Variants in SLC4A5 observed in about 807,000 individuals in gnomAD.
SLC4A5 encodes solute carrier family 4 member 5.
In SLC4A5, 96 loss-of-function variants were observed where a neutral mutation model predicts 120.4. That is an observed-to-expected ratio of 0.80 (90% CI 0.68 to 0.94). The LOEUF (loss-of-function observed/expected upper bound fraction) is 0.94. SLC4A5 is among the 40% of genes least tolerant of loss of function. SLC4A5 has a pLI of 0.00. For synonymous variants in SLC4A5, 550 were observed against 571.1 expected, an observed-to-expected ratio of 0.96 and a Z score of 0.53; for missense variants, 1,259 against 1,459.5, an observed-to-expected ratio of 0.86 and a Z score of 2.24.
At chr2:74,239,390 T>A in exon 21 of SLC4A5, 1 of 1,614,114 alleles carries the variant, frequency 6.2e-7, no homozygotes, top group Non-Finnish European at 8.5e-7. Context: ...GGTCATGGAG[T>A]ATGTCCCAAA....
chr2:74,299,103 C>T (rs1373584537), intron 7 of SLC4A5, among the ~76,000 whole-genome samples: 1 of 151,894 alleles, frequency 6.6e-6, no homozygotes, highest in Admixed American at 6.5e-5. Context: ...GTAATCCCAG[C>T]ACTTTGGGAG....
intron 8 of SLC4A5, among the ~76,000 whole-genome samples, chr2:74,277,536 G>C (rs756871203): frequency 2.0e-5 from 3 of 152,156 alleles, no homozygotes; most frequent in Non-Finnish European, 4.4e-5. Context: ...GTGACAGGGC[G>C]AGACTCCGTC....
chr2:74,284,730 T>A (rs1000110285), intron 8 of SLC4A5, among the ~76,000 whole-genome samples: 1 of 152,228 alleles, frequency 6.6e-6, no homozygotes, highest in Non-Finnish European at 1.5e-5. Context: ...TCACAGGCAC[T>A]GGGGATATGA....
intron 5 of SLC4A5, among the ~76,000 whole-genome samples, chr2:74,327,562 C>T (rs1673245656): frequency 6.6e-6 from 1 of 152,180 alleles, no homozygotes; most frequent in Non-Finnish European, 1.5e-5. Context: ...CCTAAGAAAA[C>T]TAGCAGTAGC....
chr2:74,298,233 C>A (rs1055295610), intron 7 of SLC4A5, among the ~76,000 whole-genome samples: 9 of 151,982 alleles, frequency 5.9e-5, no homozygotes, highest in African/African-American at 2.2e-4. Context: ...GGCACGTGGA[C>A]CAAGGGAATA....
chr2:74,318,573 A>C (rs929218197), intron 5 of SLC4A5, among the ~76,000 whole-genome samples: 5 of 151,892 alleles, frequency 3.3e-5, no homozygotes, highest in Admixed American at 6.6e-5. Context: ...GTAATCCCAG[A>C]TACTCAGGAG....
At chr2:74,336,241 T>C (rs1022500426) in intron 3 of SLC4A5, among the ~76,000 whole-genome samples, 12 of 152,170 alleles carry the variant, frequency 7.9e-5, no homozygotes, top group African/African-American at 2.2e-4. Context: ...GGCTACTTTT[T>C]AATTTTTTGT....
intron 7 of SLC4A5, among the ~76,000 whole-genome samples, chr2:74,303,329 G>A: frequency 6.6e-6 from 1 of 152,098 alleles, no homozygotes; most frequent in East Asian, 1.9e-4. Flanking sequence ...AGGTGCATCA[G>A]GTCTCCTGCC....
chr2:74,297,743 AG>A (rs1672375165), intron 7 of SLC4A5, among the ~76,000 whole-genome samples: 1 of 152,218 alleles, frequency 6.6e-6, no homozygotes, highest in Non-Finnish European at 1.5e-5. Flanking sequence ...GTTCTGCTTC[AG>A]TCAAAATTGA....
At chr2:74,283,940 G>C (rs1015938831) in intron 8 of SLC4A5, among the ~76,000 whole-genome samples, 2 of 151,562 alleles carry the variant, frequency 1.3e-5, no homozygotes, top group African/African-American at 2.4e-5. Context: ...CCTGGCTCAG[G>C]TGATCTCCCA....
chr2:74,248,210 A>G, intron 18 of SLC4A5, 143 bp downstream of exon 18: 1 of 1,154,460 alleles, frequency 8.7e-7, no homozygotes, highest in South Asian at 1.5e-5. Flanking sequence ...AGGAGGGGCC[A>G]CCTGGTAGCC....
chr2:74,308,233 G>A (rs1472702184), intron 6 of SLC4A5, among the ~76,000 whole-genome samples: 1 of 152,164 alleles, frequency 6.6e-6, no homozygotes, highest in Non-Finnish European at 1.5e-5. Context: ...ACTCAGTTGG[G>A]TACATACCTA....
chr2:74,305,568 C>G (rs1217710583), intron 6 of SLC4A5, among the ~76,000 whole-genome samples: 2 of 152,068 alleles, frequency 1.3e-5, no homozygotes, highest in Non-Finnish European at 2.9e-5. Context: ...AAAGTTTACT[C>G]TTCTATTGTA....
intron 4 of SLC4A5, among the ~76,000 whole-genome samples, chr2:74,332,583 A>G (rs1018000152): frequency 1.3e-5 from 2 of 152,168 alleles, no homozygotes; most frequent in Non-Finnish European, 2.9e-5. Flanking sequence ...TCTCTTGGGC[A>G]AAATCAGTCC....
intron 10 of SLC4A5, 128 bp from the exon 11 acceptor site, chr2:74,262,360 A>T: frequency 1.9e-6 from 1 of 536,560 alleles, no homozygotes; most frequent in South Asian, 3.2e-5. Flanking sequence ...CTGGGAAGAA[A>T]TTCTTTTTTT....
intron 10 of SLC4A5, among the ~76,000 whole-genome samples, chr2:74,263,475 G>A (rs1671205791): frequency 6.6e-6 from 1 of 152,192 alleles, no homozygotes; most frequent in Admixed American, 6.5e-5. Context: ...TTGTCTGACA[G>A]GCTCAGTAGG....
chr2:74,287,497 T>G (rs987855085), intron 7 of SLC4A5, among the ~76,000 whole-genome samples: 3 of 152,152 alleles, frequency 2.0e-5, no homozygotes, highest in South Asian at 4.1e-4. Flanking sequence ...ACACAGGGCT[T>G]GGAAGGTAAC....
chr2:74,341,550 T>A (rs974614434), intron 2 of SLC4A5, among the ~76,000 whole-genome samples: 2 of 152,164 alleles, frequency 1.3e-5, no homozygotes, highest in African/African-American at 2.4e-5. Flanking sequence ...GTGCCTCAAA[T>A]TTACACAGGG....
intron 5 of SLC4A5, among the ~76,000 whole-genome samples, chr2:74,317,353 T>G (rs1240437209): frequency 3.1e-5 from 3 of 95,252 alleles, no homozygotes; most frequent in South Asian, 3.5e-4. Flanking sequence ...GAACAGATAG[T>G]TTTTTTTTTA....
Sources: gnomAD v4.1 joint callset for allele counts (sites outside exome capture counted in the v4.1 genomes callset) on GRCh38, gnomAD v4.1.1 for gene constraint, MANE v1.5 for transcripts, NCBI Gene and HGNC (gene_info 2026-07-23, HGNC 2026-07-21) for gene names.